The following HRNR variants were observed in gnomAD, a reference collection of about 807,000 sequenced individuals.
HRNR encodes filaggrin family member 3.
Under a neutral mutation model 4.8 loss-of-function variants are expected in HRNR, and 7 were observed. The ratio of observed to expected loss-of-function variants is 1.47; its 90% CI spans 0.83 to 2.75. The LOEUF is 2.75. Ranked by LOEUF, HRNR falls within the 30% of genes most tolerant of loss-of-function variation. The pLI is 0.00. For synonymous variants in HRNR, 1,023 were observed against 1,242.7 expected (o/e 0.82, Z 3.72); for missense variants, 2,879 against 3,010.4 (o/e 0.96, Z 1.02).
chr1:152,218,640 C>T lies in HRNR; in HGVS notation c.2989G>A (p.Gly997Ser), dbSNP rs138107632. The change falls in exon 3 of 3, where the codon GGC (glycine) becomes AGC (serine). Residue 997 changes from glycine to serine, a missense_variant. Coordinates refer to ENST00000368801, the MANE Select transcript of HRNR (RefSeq NM_001009931.3). ...TGGCCAGATCCAGACCCATGTTGGC[C>T]GTGGCCCAAAGACTGACGGGAGCCA... ...GSGSRQSLGH[G>S]QHGSGSGQSP... 2.3e-3 allele frequency: 3,715 copies of T among 1,613,530 alleles called. 93 individuals carry two copies. The African/African-American group carries it at 0.044, about 19-fold the overall frequency.
Position 152,212,807 on chromosome 1 carries a change from A to G in HRNR, c.*269T>C, listed in dbSNP as rs79196773. On this transcript the variant is annotated 3_prime_UTR_variant, in exon 3 of 3. Coordinates refer to ENST00000368801, the MANE Select transcript of HRNR (RefSeq NM_001009931.3). Reference sequence around the variant, plus strand: ...ACCCAAAGCTCTTTAAAAGCTTTTCATTATTCCTCAAAGTTTAACCCTCAT... The same window carrying G: ...ACCCAAAGCTCTTTAAAAGCTTTTCGTTATTCCTCAAAGTTTAACCCTCAT... 0.011 allele frequency: 5,532 copies of G among 513,292 alleles called. 241 individuals are homozygous for G. Among genetic ancestry groups the G allele is most frequent in the African/African-American group, 0.097 (5,050 of 51,940 alleles). 31.8% of individuals were successfully genotyped at this position (513,292 alleles called of 1,614,324 possible).
chr1:152,212,175 T>C lies in HRNR; in HGVS notation c.*901A>G, dbSNP rs1228551466. Reference sequence around the variant, plus strand: ...GTGTTACAGTCAAATTAAGGAACTATGTAGCAGTGACAGATACTCTTCCTT... The same window carrying C: ...GTGTTACAGTCAAATTAAGGAACTACGTAGCAGTGACAGATACTCTTCCTT... On this transcript the variant is annotated 3_prime_UTR_variant, in exon 3 of 3. Coordinates refer to ENST00000368801, the MANE Select transcript of HRNR (RefSeq NM_001009931.3). 6.6e-6 allele frequency: 1 copy of C among 152,228 alleles called. No individual in the cohort carries two copies. The highest frequency in any genetic ancestry group is 1.5e-5 in the Non-Finnish European group (1 of 68,032). The allele number at this position is 152,228 out of a possible 1,614,324, so 9.4% of individuals were successfully genotyped here. A position where few individuals can be genotyped will look rare whatever the true frequency, so the allele number is the denominator to read the frequency against.
At position 152,219,839 on chromosome 1, in the gene HRNR, T is replaced by C; in HGVS notation, c.1790A>G (p.Tyr597Cys). The C allele has an allele frequency of 6.2e-7, 1 of 1,611,738 alleles. No homozygotes were observed. The highest frequency in any genetic ancestry group is 2.2e-5 in the East Asian group (1 of 44,652). ...ACCCGAGCTAGATCCGTGTTGACCG[T>C]AGCCAGAGGACTGTCCTGAGCGAGA... is the stretch of plus-strand genomic sequence containing the variant. ...QESRSGQSSG[Y>C]GQHGSSSGHS... The change falls in exon 3 of 3, where the codon TAC becomes TGC. Residue 597 changes from tyrosine (Y) to cysteine (C), a missense_variant. Physicochemically the swap from Tyr to Cys is radical, Grantham distance 194. Around this residue, in one of 8 missense-constraint regions of HRNR, gnomAD observed 2,646 missense variants for 1,377.7 expected, o/e 1.92. Coordinates refer to ENST00000368801, the MANE Select transcript of HRNR (RefSeq NM_001009931.3).
Position 152,219,698 on chromosome 1 carries a change from C to T in HRNR, c.1931G>A (p.Ser644Asn), listed in dbSNP as rs145243967. 4 of 1,613,220 alleles carry T rather than the reference C, an allele frequency of 2.5e-6. No homozygotes were observed. The African/African-American group carries it at 4.0e-5, about 16-fold the overall frequency. ...CTGTTGGCCATAGCGAGAAGACTGACTTGAGCCAGAGCCATGCTGACCGTG... is the reference window on the plus strand; with the variant it reads ...CTGTTGGCCATAGCGAGAAGACTGATTTGAGCCAGAGCCATGCTGACCGTG... The part of the protein sequence containing the change: ...SSHGQHGSGS[S>N]QSSRYGQQGS... Residue 644 changes from serine to asparagine, a missense_variant, in exon 3 of 3, where the codon AGT becomes AAT. Around this residue, in one of 8 missense-constraint regions of HRNR, gnomAD observed 2,646 missense variants for 1,377.7 expected, o/e 1.92. Transcript: ENST00000368801.
At chr1:152,222,268 A>G (rs1019739655) in intron 2 of HRNR, among the ~76,000 whole-genome samples, 2 of 152,224 alleles carry the variant, frequency 1.3e-5, no homozygotes, top group African/African-American at 4.8e-5. Context: ...GAGTCAAGAA[A>G]TGTGGATAGA....
In HRNR at chr1:152,223,255, T is replaced by A. The variant is rs1649061747; in HGVS notation, c.-2A>T. ...GACGCCTTGTAGGAGTTTAGGCATT[T>A]TTTTTTTTGCAAGTTTGAGTAACCT... On this transcript the variant is annotated 5_prime_UTR_variant, in exon 2 of 3. Coordinates refer to ENST00000368801, the MANE Select transcript of HRNR (RefSeq NM_001009931.3). 2.5e-6 allele frequency: 4 copies of A among 1,592,720 alleles called. No individual in the cohort carries two copies. Among genetic ancestry groups the A allele is most frequent in the Non-Finnish European group, 2.6e-6 (3 of 1,167,058 alleles).
rs747580066 is a variant in HRNR, at chr1:152,218,706, A to T, written c.2923T>A (p.Ser975Thr). Residue 975 changes from serine to threonine, a missense_variant, in exon 3 of 3, where the codon TCT (serine) becomes ACT (threonine). Physicochemically the swap from Ser to Thr is moderately conservative, Grantham distance 58. This residue lies in a region of HRNR where 2,646 missense variants were observed against 1,377.7 expected (regional missense o/e 1.92). Coordinates refer to ENST00000368801, the MANE Select transcript of HRNR (RefSeq NM_001009931.3). ...TAGCTGGAAGACGAACCTGAGCTAG[A>T]TCCATGTTGTTCGCTCCTAGATGAC... ...GQSSRSEQHGSSSGSSSSYGQ... is the reference protein window; with the variant it reads ...GQSSRSEQHGTSSGSSSSYGQ... The T allele has an allele frequency of 3.7e-6, 6 of 1,613,624 alleles. No homozygotes were observed. In the East Asian group the frequency reaches 1.1e-4, roughly 30 times the overall value.
Position 152,221,004 on chromosome 1 carries a change from C to T in HRNR, c.625G>A (p.Gly209Ser), listed in dbSNP as rs149944132. 2.4e-5 allele frequency: 39 copies of T among 1,614,154 alleles called. No homozygotes were observed. In the East Asian group the frequency reaches 2.9e-4, roughly 12 times the overall value. ...SGQSPNYGQHGSGSGQSSSND... is the reference protein window; with the variant it reads ...SGQSPNYGQHSSGSGQSSSND... Reference sequence around the variant, plus strand: ...CTGGAAGACTGTCCGGAGCCAGAGCCGTGTTGGCCATAGTTGGGAGACTGC... The same window carrying T: ...CTGGAAGACTGTCCGGAGCCAGAGCTGTGTTGGCCATAGTTGGGAGACTGC... The change falls in exon 3 of 3, where the codon GGC becomes AGC. Residue 209 changes from glycine (G) to serine (S), a missense_variant. By Grantham distance (56) the Gly-to-Ser change is moderately conservative. Coordinates refer to ENST00000368801, the MANE Select transcript of HRNR (RefSeq NM_001009931.3).
chr1:152,218,710 A>C lies in HRNR; in HGVS notation c.2919T>G (p.His973Gln), dbSNP rs769556421. The change falls in exon 3 of 3, where the codon CAT becomes CAG. Residue 973 changes from histidine to glutamine, a missense_variant. Coordinates refer to ENST00000368801, the MANE Select transcript of HRNR (RefSeq NM_001009931.3). ...RSGQSSRSEQHGSSSGSSSSY... is the reference protein window; with the variant it reads ...RSGQSSRSEQQGSSSGSSSSY... ...TGGAAGACGAACCTGAGCTAGATCC[A>C]TGTTGTTCGCTCCTAGATGACTGTC... 8 of 1,613,534 alleles carry C rather than the reference A, an allele frequency of 5.0e-6. No individual in the cohort carries two copies. Among genetic ancestry groups the C allele is most frequent in the Non-Finnish European group, 4.2e-6 (5 of 1,179,902 alleles).
Position 152,220,365 on chromosome 1 carries a change from G to C in HRNR, c.1264C>G (p.Gln422Glu), listed in dbSNP as rs747043377. 10 of 1,613,654 alleles carry C rather than the reference G, an allele frequency of 6.2e-6. No homozygotes were observed. Among genetic ancestry groups the C allele is most frequent in the Admixed American group, 1.7e-5 (1 of 59,968 alleles). The part of the protein sequence containing the change: ...GRGQHSSGSG[Q>E]SPGHGQRGSG... ...CCACGCTGGCCGTGGCCTGGAGACT[G>C]GCCAGATCCAGAGCTGTGTTGGCCG... The change falls in exon 3 of 3, where the codon CAG becomes GAG. Residue 422 changes from glutamine (Q) to glutamate (E), a missense_variant. Transcript: ENST00000368801.
At chr1:152,223,573 T>C (rs1649071861) in intron 1 of HRNR, among the ~76,000 whole-genome samples, 1 of 152,250 alleles carries the variant, frequency 6.6e-6, no homozygotes, top group Non-Finnish European at 1.5e-5. Context: ...ATTAGCTTTG[T>C]TCTGGAGCTG....
rs148344035 is a variant in HRNR, at chr1:152,219,774, G to A, written c.1855C>T (p.Gln619Ter). ...THGQHGSTSG[Q>*]SSSCGQHGAT... ...CCATGTTGGCCACAGCTCGATGACT[G>A]TCCTGATGTAGAACCATGTTGCCCA... The change falls in exon 3 of 3, where the codon CAG (glutamine) becomes TAG (stop). Residue 619 changes from glutamine (Q) to a stop codon, truncating the protein, a stop_gained. Coordinates refer to ENST00000368801, the MANE Select transcript of HRNR (RefSeq NM_001009931.3). LOFTEE classifies it low-confidence loss of function (END_TRUNC). The A allele has an allele frequency of 6.2e-7, 1 of 1,613,438 alleles. No individual in the cohort carries two copies. The highest frequency in any genetic ancestry group is 8.5e-7 in the Non-Finnish European group (1 of 1,179,580).
chr1:152,223,014 G>T, intron 2 of HRNR, 102 bp downstream of exon 2: 1 of 1,225,374 alleles, frequency 8.2e-7, no homozygotes, highest in Non-Finnish European at 1.2e-6. Flanking sequence ...CTCTCACCAA[G>T]TAAGGACAAT....
Position 152,218,919 on chromosome 1 carries a change from G to C in HRNR, c.2710C>G (p.Pro904Ala), listed in dbSNP as rs767212282. 1 of 1,613,296 alleles carries C rather than the reference G, an allele frequency of 6.2e-7. No individual in the cohort carries two copies. The highest frequency in any genetic ancestry group is 8.5e-7 in the Non-Finnish European group (1 of 1,179,772). The stretch of plus-strand genomic sequence containing the variant: ...CCAGACCCATGTCGGCCATAGCTGG[G>C]AGACTGCCCTGACCCAGACCCACGC... ...GQRGSGSGQSPSYGRHGSGSG... is the reference protein window; with the variant it reads ...GQRGSGSGQSASYGRHGSGSG... The change falls in exon 3 of 3, where the codon CCC becomes GCC. Residue 904 changes from proline to alanine, a missense_variant. Transcript: ENST00000368801.
chr1:152,220,582 C>T lies in HRNR; in HGVS notation c.1047G>A (p.Gly349=), dbSNP rs146312335. The T allele has an allele frequency of 2.9e-4, 472 of 1,605,888 alleles. 5 individuals are homozygous for T. The East Asian group carries it at 9.6e-3, about 33-fold the overall frequency. ...ACTGTCCTGAGCCAGACTCATGTTG[C>T]CCAAAGCCAGAAGTCTGGCCTGAGC... ...ESGSGQTSGF[G]QHESGSGQSS... is the part of the protein sequence containing the mutation. The change falls in exon 3 of 3, where the codon GGG becomes GGA. Residue 349 remains glycine (G), a synonymous_variant. Transcript: ENST00000368801.
In HRNR at chr1:152,221,050, G is replaced by C; in HGVS notation, c.579C>G (p.Gly193=). ...NSDSHQSSGR[G]QCGSGSGQSP... is the part of the protein sequence containing the mutation. ...ACTGCCCTGACCCAGACCCACATTG[G>C]CCGCGGCCTGAAGACTGATGGGAGT... Residue 193 remains glycine (G), a synonymous_variant, in exon 3 of 3, where the codon GGC becomes GGG. Transcript: ENST00000368801. 1 of 1,613,444 alleles carries C rather than the reference G, an allele frequency of 6.2e-7. No individual in the cohort carries two copies. Among genetic ancestry groups the C allele is most frequent in the Non-Finnish European group, 8.5e-7 (1 of 1,179,530 alleles).
rs767879567 is a variant in HRNR at position 152,220,273 on chromosome 1, A to T, written c.1356T>A (p.Ser452Arg). The change falls in exon 3 of 3, where the codon AGT (serine) becomes AGA (arginine). Residue 452 changes from serine to arginine, a missense_variant. Ser to Arg is a moderately radical substitution (Grantham distance 110). Transcript: ENST00000368801. ...HGTGFGRSSSSGPYVSGSGYS... is the reference protein window; with the variant it reads ...HGTGFGRSSSRGPYVSGSGYS... The stretch of plus-strand genomic sequence containing the variant: ...AGCCTGAACCAGACACATATGGGCC[A>T]CTGCTGGAAGATCGACCAAAGCCAG... The T allele has an allele frequency of 1.5e-5, 24 of 1,613,988 alleles. No individual in the cohort carries two copies. In the East Asian group the frequency reaches 5.1e-4, roughly 34 times the overall value.
chr1:152,223,589 G>T lies in HRNR; in HGVS notation c.-25-311C>A, dbSNP rs75997296. On this transcript the variant is annotated intron_variant, in intron 1 of 2. Coordinates refer to ENST00000368801, the MANE Select transcript of HRNR (RefSeq NM_001009931.3). The stretch of plus-strand genomic sequence containing the variant: ...TTAGCTTTGTTCTGGAGCTGTAGAA[G>T]TCCTGAGTGTTCCACTTCATCTGCT... Among the ~76,000 whole-genome samples, 412 of 152,290 alleles carry T rather than the reference G, an allele frequency of 2.7e-3. 2 individuals are homozygous for T. The highest frequency in any genetic ancestry group is 4.5e-3 in the Non-Finnish European group (305 of 68,016).
Position 152,213,099 on chromosome 1 carries a change from G to C in HRNR, c.8530C>G (p.Gln2844Glu). 3 of 1,613,374 alleles carry C rather than the reference G, an allele frequency of 1.9e-6. No homozygotes were observed. In the South Asian group the frequency reaches 3.3e-5, roughly 18 times the overall value. ...STSPYEYVQEQRCYFYQ is the reference protein window; with the variant it reads ...STSPYEYVQEERCYFYQ ...ATTCACTGATAAAAGTAGCACCTCT[G>C]CTCTTGGACATATTCATAGGGTGAA... Residue 2844 changes from glutamine to glutamate, a missense_variant, in exon 3 of 3, where the codon CAG becomes GAG. Gln to Glu is a conservative substitution (Grantham distance 29). This residue lies in a region of HRNR where 158 missense variants were observed against 107.6 expected (regional missense o/e 1.47). Transcript: ENST00000368801.
Sources: allele counts gnomAD v4.1 joint callset (sites outside exome capture counted in the v4.1 genomes callset), GRCh38; gene constraint gnomAD v4.1.1; regional missense constraint gnomAD v4.1.1; transcripts MANE v1.5; gene names NCBI Gene and HGNC (gene_info 2026-07-23, HGNC 2026-07-21).